The following STK32A variants were observed in gnomAD, a reference collection of about 807,000 sequenced individuals.
The protein encoded by STK32A is serine/threonine-protein kinase 32A.
A neutral mutation model predicts 53.2 loss-of-function variants in STK32A; 41 were observed. That is an observed-to-expected ratio of 0.77 (90% CI 0.60 to 1.00). The LOEUF (loss-of-function observed/expected upper bound fraction) is 1.00. Among genes scored for constraint, STK32A ranks in the 50% least tolerant of loss-of-function variants. STK32A has a pLI of 0.00. For synonymous variants in STK32A, 166 were observed against 162.8 expected, an observed-to-expected ratio of 1.02 and a Z score of -0.15; for missense variants, 458 against 485.8, an observed-to-expected ratio of 0.94 and a Z score of 0.54.
chr5:147,318,481 C>A (rs1754127306), intron 4 of STK32A, among the ~76,000 whole-genome samples: 1 of 151,554 alleles, frequency 6.6e-6, no homozygotes, highest in Non-Finnish European at 1.5e-5. Context: ...AATTATAGGG[C>A]AACAAGGGTG....
chr5:147,278,549 G>A (rs1751883876), intron 3 of STK32A, among the ~76,000 whole-genome samples: 1 of 152,148 alleles, frequency 6.6e-6, no homozygotes, highest in Non-Finnish European at 1.5e-5. Context: ...TTATTTTCAT[G>A]TGGGAAAGAA....
chr5:147,292,692 A>G (rs1481191281), intron 4 of STK32A, among the ~76,000 whole-genome samples: 1 of 152,052 alleles, frequency 6.6e-6, no homozygotes, highest in Non-Finnish European at 1.5e-5. Flanking sequence ...AACATGGAGA[A>G]ACCCTCTAAA....
At chr5:147,284,954 C>G (rs539592552) in intron 4 of STK32A, among the ~76,000 whole-genome samples, 3 of 152,030 alleles carry the variant, frequency 2.0e-5, no homozygotes, top group African/African-American at 7.2e-5. Context: ...AAAAACAATT[C>G]TAAAATTCAT....
intron 7 of STK32A, among the ~76,000 whole-genome samples, chr5:147,360,450 C>CAAAAAAA (rs56690647): frequency 1.2e-5 from 1 of 81,196 alleles, no homozygotes; most frequent in East Asian, 3.2e-4. Context: ...GATTCTGTCT[C>CAAAAAAA]AAAAAAAAAA....
intron 9 of STK32A, 39 bp from the exon 10 acceptor site, chr5:147,373,130 T>G (rs759965500): frequency 1.2e-6 from 2 of 1,608,488 alleles, no homozygotes; most frequent in Admixed American, 1.7e-5. Context: ...TGTCCTTCTA[T>G]CCTTTCTTAT....
At chr5:147,395,063 G>C in the STK32A span, among the ~76,000 whole-genome samples, 1 of 152,220 alleles carries the variant, frequency 6.6e-6, no homozygotes, top group African/African-American at 2.4e-5. Flanking sequence ...ACACATAGTA[G>C]ATGTTCAATC....
At chr5:147,374,125 A>T (rs922166997) in intron 10 of STK32A, among the ~76,000 whole-genome samples, 29 of 151,902 alleles carry the variant, frequency 1.9e-4, no homozygotes, top group Admixed American at 3.3e-4. Flanking sequence ...TCTCTACAGA[A>T]AAAGAAAAAA....
chr5:147,321,965 A>C (rs1375774715), intron 4 of STK32A, among the ~76,000 whole-genome samples: 1 of 152,132 alleles, frequency 6.6e-6, no homozygotes, highest in Admixed American at 6.5e-5. Flanking sequence ...CCCACAATCA[A>C]TCATTCTTTC....
At chr5:147,272,168 C>A (rs1406241906) in intron 2 of STK32A, among the ~76,000 whole-genome samples, 2 of 152,116 alleles carry the variant, frequency 1.3e-5, no homozygotes, top group African/African-American at 4.8e-5. Context: ...GGGCAGGTTC[C>A]CTGACACAAG....
intron 2 of STK32A, among the ~76,000 whole-genome samples, chr5:147,276,871 C>T (rs1755285175): frequency 6.6e-6 from 1 of 152,098 alleles, no homozygotes; most frequent in Non-Finnish European, 1.5e-5. Flanking sequence ...AATGGAGGCT[C>T]AAAGAGTCTG....
At chr5:147,333,896 C>A (rs938387808) in intron 5 of STK32A, among the ~76,000 whole-genome samples, 3 of 152,064 alleles carry the variant, frequency 2.0e-5, no homozygotes, top group African/African-American at 7.2e-5. Flanking sequence ...CATCAGGGAT[C>A]AATTAGTGAG....
intron 11 of STK32A, among the ~76,000 whole-genome samples, chr5:147,382,684 C>G (rs79756272): frequency 0.021 from 3,168 of 152,112 alleles, 121 homozygotes; most frequent in African/African-American, 0.071. Context: ...CTTCTTAGGT[C>G]TTTTCTGAGC....
rs1031622928 is a variant in STK32A, at chr5:147,323,809, C to G, written c.261-89C>G. 7 of 1,154,596 alleles carry G rather than the reference C, an allele frequency of 6.1e-6. No individual in the cohort carries two copies. In the African/African-American group the frequency reaches 9.3e-5, roughly 15 times the overall value. The allele number at this position is 1,154,596 out of a possible 1,614,324, so 71.5% of individuals were successfully genotyped here. Reference sequence around the variant, plus strand: ...TCTGAGCTCTTAGCTCAAGAACACTCTGCTCTGATCTGTAGGGTCTCATTT... The same window carrying G: ...TCTGAGCTCTTAGCTCAAGAACACTGTGCTCTGATCTGTAGGGTCTCATTT... On this transcript the variant is annotated intron_variant, in intron 4 of 12. Coordinates refer to ENST00000397936, the MANE Select transcript of STK32A (RefSeq NM_001112724.2).
chr5:147,285,372 C>G (rs1465676225), intron 4 of STK32A, among the ~76,000 whole-genome samples: 1 of 152,094 alleles, frequency 6.6e-6, no homozygotes. Flanking sequence ...ATTGGAAAAA[C>G]CCTTCTAGAC....
At position 147,383,924 on chromosome 5, in the gene STK32A, C is replaced by A; in HGVS notation, c.1132C>A (p.Leu378Ile). 6.2e-7 allele frequency: 1 copy of A among 1,604,646 alleles called. No individual in the cohort carries two copies. The highest frequency in any genetic ancestry group is 8.5e-7 in the Non-Finnish European group (1 of 1,176,182). ...NRDFNKRQPNLALEQTKDPQG... is the reference protein window; with the variant it reads ...NRDFNKRQPNIALEQTKDPQG... ...GGACTTTAACAAAAGACAACCAAAT[C>A]TAGCCTTGGAACAAACCAAAGACCC... Residue 378 changes from leucine to isoleucine, a missense_variant, in exon 13 of 13, where the codon CTA becomes ATA. Leu to Ile is a conservative substitution (Grantham distance 5). Coordinates refer to ENST00000397936, the MANE Select transcript of STK32A (RefSeq NM_001112724.2).
At chr5:147,263,416 T>G (rs945319945) in intron 2 of STK32A, among the ~76,000 whole-genome samples, 2 of 152,150 alleles carry the variant, frequency 1.3e-5, no homozygotes, top group South Asian at 4.1e-4. Context: ...TTCTCAGGCT[T>G]TTGGGGAAGC....
intron 6 of STK32A, among the ~76,000 whole-genome samples, chr5:147,343,789 C>T (rs181565461): frequency 6.6e-6 from 1 of 152,062 alleles, no homozygotes; most frequent in Non-Finnish European, 1.5e-5. Context: ...ATCAAGTTTT[C>T]TGTTTAAAAA....
At position 147,386,263 on chromosome 5, in the gene STK32A, A is replaced by G. The variant is rs544246565; in HGVS notation, c.*2280A>G. The G allele has an allele frequency of 2.0e-5, 3 of 152,300 alleles. No homozygotes were observed. Among genetic ancestry groups the G allele is most frequent in the African/African-American group, 7.2e-5 (3 of 41,566 alleles). 9.4% of individuals were successfully genotyped at this position (152,300 alleles called of 1,614,324 possible). A position where few individuals can be genotyped will look rare whatever the true frequency, so the allele number is the denominator to read the frequency against. On this transcript the variant is annotated 3_prime_UTR_variant, in exon 13 of 13. Coordinates refer to ENST00000397936, the MANE Select transcript of STK32A (RefSeq NM_001112724.2). ...GATTTCAGAGAAGGGGATGTGTTGG[A>G]AAGAGCAAGAATAAGAAAGTGACCA...
At chr5:147,305,419 G>T (rs546637345) in intron 4 of STK32A, among the ~76,000 whole-genome samples, 1 of 152,176 alleles carries the variant, frequency 6.6e-6, no homozygotes, top group Admixed American at 6.5e-5. Context: ...GAGAGAATGA[G>T]CCAGGAAAGC....
Sources: gnomAD v4.1 joint callset for allele counts (sites outside exome capture counted in the v4.1 genomes callset) on GRCh38, gnomAD v4.1.1 for gene constraint, MANE v1.5 for transcripts, NCBI Gene and HGNC (gene_info 2026-07-23, HGNC 2026-07-21) for gene names.